The following PTK6 variants were observed in gnomAD, a reference collection of about 807,000 sequenced individuals.
The protein encoded by PTK6 is protein tyrosine kinase 6.
PTK6 carries 47 observed loss-of-function variants against 47.5 expected under a neutral mutation model. The ratio of observed to expected loss-of-function variants is 0.99; its 90% CI spans 0.78 to 1.26. The LOEUF (loss-of-function observed/expected upper bound fraction) is 1.26, where lower values mean the gene tolerates loss of function less well. PTK6 is among the 50% of genes most tolerant of loss of function. PTK6 has a pLI of 0.00. For missense variants in PTK6, 618 were observed against 625.3 expected, an observed-to-expected ratio of 0.99 and a Z score of 0.12; for synonymous variants, 287 against 276.5, an observed-to-expected ratio of 1.04 and a Z score of -0.38.
rs1429433801 is a variant in PTK6 at position 63,534,966 on chromosome 20, C to T, written c.324G>A (p.Glu108=). ...ATGAFLIRVS[E]KPSADYVLSV... ...ACAGGACGTAGTCGGCACTCGGCTTCTCGCTGACCCTGATCAGGAAGGCGC... is the reference window on the plus strand; with the variant it reads ...ACAGGACGTAGTCGGCACTCGGCTTTTCGCTGACCCTGATCAGGAAGGCGC... The change falls in exon 2 of 8, where the codon GAG becomes GAA. Residue 108 remains glutamate (E), a synonymous_variant. Transcript: ENST00000542869. 2 of 1,606,502 alleles carry T rather than the reference C, an allele frequency of 1.2e-6. No homozygotes were observed. Among genetic ancestry groups the T allele is most frequent in the South Asian group, 2.2e-5 (2 of 90,510 alleles).
At chr20:63,531,822 C>T (rs2145971503) in intron 5 of PTK6, among the ~76,000 whole-genome samples, 1 of 149,634 alleles carries the variant, frequency 6.7e-6, no homozygotes, top group South Asian at 2.1e-4. Context: ...CCCCACATTC[C>T]CTCCCGGAGG....
chr20:63,529,399 A>T lies in PTK6; in HGVS notation c.*137T>A. The T allele has an allele frequency of 1.0e-6, 1 of 974,696 alleles. No homozygotes were observed. Among genetic ancestry groups the T allele is most frequent in the Admixed American group, 3.3e-5 (1 of 30,380 alleles). 60.4% of individuals were successfully genotyped at this position (974,696 alleles called of 1,614,324 possible). ...GCACACGCGTGTATTGGACGCAGAC[A>T]CTCCACATTTGTGAACCTTTCCTGC... On this transcript the variant is annotated 3_prime_UTR_variant, in exon 8 of 8. Transcript: ENST00000542869. This position sits in a 1 kb window ranked among gnomAD's most constrained non-coding sequence, Gnocchi z 5.6.
intron 4 of PTK6, 114 bp from the exon 5 acceptor site, chr20:63,532,801 A>T (rs2082635651): frequency 1.5e-6 from 2 of 1,367,676 alleles, no homozygotes; most frequent in Non-Finnish European, 2.0e-6. Context: ...GCTGTGCAGG[A>T]CACACAGACC....
Position 63,537,242 on chromosome 20 carries a change from C to A in PTK6, c.73G>T (p.Glu25Ter). 1 of 1,612,402 alleles carries A rather than the reference C, an allele frequency of 6.2e-7. No homozygotes were observed. Among genetic ancestry groups the A allele is most frequent in the Non-Finnish European group, 8.5e-7 (1 of 1,179,826 alleles). The change falls in exon 1 of 8, where the codon GAG becomes TAG. Residue 25 changes from glutamate (E) to a stop codon, truncating the protein, a stop_gained. Coordinates refer to ENST00000542869, the MANE Select transcript of PTK6 (RefSeq NM_005975.4). LOFTEE classifies it high-confidence loss of function. ...GLWDFKSRTD[E>*]ELSFRAGDVF... ...TCCCCCGCGCGGAAGCTCAGCTCCT[C>A]GTCCGTCCGGGACTTGAAGTCCCAG...
chr20:63,529,661 C>G lies in PTK6; in HGVS notation c.1231G>C (p.Glu411Gln). ...DAGYRMPCPLECPPSVHKLML... is the reference protein window; with the variant it reads ...DAGYRMPCPLQCPPSVHKLML... The stretch of plus-strand genomic sequence containing the variant: ...AGCTTGTGCACGCTGGGCGGGCACT[C>G]CAGAGGGCAGGGCATGCGGTAGCCG... The change falls in exon 8 of 8, where the codon GAG becomes CAG. Residue 411 changes from glutamate to glutamine, a missense_variant. Transcript: ENST00000542869. The surrounding 1 kb of genome is among the most constrained non-coding windows in gnomAD (Gnocchi z 5.6). 5 of 1,547,566 alleles carry G rather than the reference C, an allele frequency of 3.2e-6. No homozygotes were observed. The highest frequency in any genetic ancestry group is 1.2e-5 in the South Asian group (1 of 83,784).
Position 63,530,241 on chromosome 20 carries a change from G to A in PTK6, c.1015-10C>T. The A allele has an allele frequency of 6.2e-7, 1 of 1,612,932 alleles. No homozygotes were observed. Among genetic ancestry groups the A allele is most frequent in the Non-Finnish European group, 8.5e-7 (1 of 1,179,224 alleles). On this transcript the variant is annotated splice_polypyrimidine_tract_variant and intron_variant, in intron 6 of 7. Coordinates refer to ENST00000542869, the MANE Select transcript of PTK6 (RefSeq NM_005975.4). This position sits in a 1 kb window ranked among gnomAD's most constrained non-coding sequence, Gnocchi z 4.1. ...AGAGGTAGACGTCCTCCTGCAATCA[G>A]CCTGGAGCTGAGTGGGCCGTGGGGG...
At chr20:63,535,437 T>C (rs1165171316) in intron 1 of PTK6, among the ~76,000 whole-genome samples, 1 of 151,252 alleles carries the variant, frequency 6.6e-6, no homozygotes, top group Non-Finnish European at 1.5e-5. Context: ...CCCCCACACA[T>C]GCGCACAGTT....
chr20:63,530,634 G>C lies in PTK6; in HGVS notation c.1014+112C>G. ...CCCTGCCCAGCCTGGGCTCCCGAGG[G>C]CAGGGGCCGCATCCTGCTCCCAGCC... On this transcript the variant is annotated intron_variant, in intron 6 of 7. Transcript: ENST00000542869. This position sits in a 1 kb window ranked among gnomAD's most constrained non-coding sequence, Gnocchi z 4.1. 2 of 1,332,480 alleles carry C rather than the reference G, an allele frequency of 1.5e-6. No individual in the cohort carries two copies. The highest frequency in any genetic ancestry group is 2.0e-6 in the Non-Finnish European group (2 of 983,220). The allele number at this position is 1,332,480 out of a possible 1,614,324, so 82.5% of individuals were successfully genotyped here. A position where few individuals can be genotyped will look rare whatever the true frequency, so the allele number is the denominator to read the frequency against.
intron 2 of PTK6, 155 bp downstream of exon 2, chr20:63,534,783 G>T (rs1366017638): frequency 1.7e-6 from 2 of 1,171,746 alleles, no homozygotes; most frequent in East Asian, 2.7e-5. Context: ...CCCCAGGGAG[G>T]AGCGGGCCAG....
rs200723492 is a variant in PTK6, at chr20:63,533,602, C to G, written c.619G>C (p.Glu207Gln). 6.6e-5 allele frequency: 106 copies of G among 1,613,672 alleles called. No homozygotes were observed. The Admixed American group carries it at 1.5e-3, about 23-fold the overall frequency. ...LGSGYFGEVF[E>Q]GLWKDRVQVA... ...TGGACCCGGTCTTTCCAGAGCCCCT[C>G]GAAGACCTCCCCAAAGTAGCCGGAC... The change falls in exon 4 of 8, where the codon GAG (glutamate) becomes CAG (glutamine). Residue 207 changes from glutamate (E) to glutamine (Q), a missense_variant. Glu to Gln is a conservative substitution (Grantham distance 29, BLOSUM62 2). Coordinates refer to ENST00000542869, the MANE Select transcript of PTK6 (RefSeq NM_005975.4). The surrounding 1 kb of genome is among the most constrained non-coding windows in gnomAD (Gnocchi z 4.0).
At position 63,534,951 on chromosome 20, in the gene PTK6, GT is replaced by G; in HGVS notation, c.338del (p.Asp113AlafsTer27). 2 of 1,603,992 alleles carry G rather than the reference GT, an allele frequency of 1.2e-6. No individual in the cohort carries two copies. Among genetic ancestry groups the G allele is most frequent in the Non-Finnish European group, 1.7e-6 (2 of 1,176,246 alleles). On this transcript the variant is annotated frameshift_variant, in exon 2 of 8. Coordinates refer to ENST00000542869, the MANE Select transcript of PTK6 (RefSeq NM_005975.4). LOFTEE classifies it high-confidence loss of function. ...CCGGGGCCGCACCCGACAGGACGTA[GT>G]CGGCACTCGGCTTCTCGCTGACCCT... is the stretch of plus-strand genomic sequence containing the variant. ...LIRVSEKPSADYVLSVRDTQA... is the reference protein window; with the variant it reads ...LIRVSEKPSAXYVLSVRDTQA...
chr20:63,531,550 GGTTACA>G (rs2082621553), intron 5 of PTK6, among the ~76,000 whole-genome samples: 1 of 150,146 alleles, frequency 6.7e-6, no homozygotes, highest in South Asian at 2.1e-4. Context: ...AGGAGGTGGA[GGTTACA>G]GTGAGCCGAG....
rs1475973600 is a variant in PTK6, at chr20:63,530,996, C to CT, written c.833-70dup. 7.9e-6 allele frequency: 11 copies of CT among 1,393,206 alleles called. No individual in the cohort carries two copies. The highest frequency in any genetic ancestry group is 5.8e-5 in the South Asian group (4 of 68,984). 86.3% of individuals were successfully genotyped at this position (1,393,206 alleles called of 1,614,324 possible). A position where few individuals can be genotyped will look rare whatever the true frequency, so the allele number is the denominator to read the frequency against. The stretch of plus-strand genomic sequence containing the variant: ...CTGAGGTGGGGAAGGGTTGGGGAGG[C>CT]TGGGCCATGTCTCATCTGCCTCCAA... On this transcript the variant is annotated intron_variant, in intron 5 of 7. Coordinates refer to ENST00000542869, the MANE Select transcript of PTK6 (RefSeq NM_005975.4). The surrounding 1 kb of genome is among the most constrained non-coding windows in gnomAD (Gnocchi z 4.1).
chr20:63,530,186 T>C lies in PTK6; in HGVS notation c.1060A>G (p.Thr354Ala), dbSNP rs1229917946. 1 of 1,613,950 alleles carries C rather than the reference T, an allele frequency of 6.2e-7. No homozygotes were observed. Among genetic ancestry groups the C allele is most frequent in the South Asian group, 1.1e-5 (1 of 91,088 alleles). ...CCTCGGGAGAGCGCTTCAGGGGCCG[T>C]CCACTTGTAGGGGATATTGTGGTCA... ...SHDHNIPYKW[T>A]APEALSRGHY... is the part of the protein sequence containing the mutation. The change falls in exon 7 of 8, where the codon ACG becomes GCG. Residue 354 changes from threonine (T) to alanine (A), a missense_variant. By Grantham distance (58) the Thr-to-Ala change is moderately conservative. Transcript: ENST00000542869. This position sits in a 1 kb window ranked among gnomAD's most constrained non-coding sequence, Gnocchi z 4.1.
chr20:63,537,339 C>G lies in PTK6; in HGVS notation c.-25G>C. 2 of 1,572,910 alleles carry G rather than the reference C, an allele frequency of 1.3e-6. No homozygotes were observed. The highest frequency in any genetic ancestry group is 2.3e-5 in the South Asian group (2 of 88,186). On this transcript the variant is annotated 5_prime_UTR_variant, in exon 1 of 8. Coordinates refer to ENST00000542869, the MANE Select transcript of PTK6 (RefSeq NM_005975.4). ...TGGCGGGCGGGCGCAGCGGCAGGAC[C>G]AGGCTGTGGCCCAGCTGGAGCACCC...
chr20:63,532,716 C>A, intron 4 of PTK6, 29 bp from the exon 5 acceptor site: 1 of 1,606,226 alleles, frequency 6.2e-7, no homozygotes, highest in Non-Finnish European at 8.5e-7. Context: ...TCGGTGGATG[C>A]AGCCCCTGAC....
In PTK6 at chr20:63,529,566, G is replaced by A; in HGVS notation, c.1326C>T (p.Ser442=). Residue 442 remains serine, a synonymous_variant, in exon 8 of 8, where the codon TCC becomes TCT. Coordinates refer to ENST00000542869, the MANE Select transcript of PTK6 (RefSeq NM_005975.4). The surrounding 1 kb of genome is among the most constrained non-coding windows in gnomAD (Gnocchi z 5.6). ...PCFKALRERL[S]SFTSYENPT ...TCGGGTTCTCGTAGCTGGTGAAGCT[G>A]GAGAGCCTCTCCCGCAGGGCCTTGA... 1.3e-6 allele frequency: 2 copies of A among 1,574,848 alleles called. No homozygotes were observed. Among genetic ancestry groups the A allele is most frequent in the Non-Finnish European group, 1.7e-6 (2 of 1,160,268 alleles).
rs2082641104 is a variant in PTK6 at position 63,533,472 on chromosome 20, G to A, written c.670+79C>T. 4 of 1,477,036 alleles carry A rather than the reference G, an allele frequency of 2.7e-6. No individual in the cohort carries two copies. Among genetic ancestry groups the A allele is most frequent in the Non-Finnish European group, 2.7e-6 (3 of 1,105,392 alleles). 91.5% of individuals were successfully genotyped at this position (1,477,036 alleles called of 1,614,324 possible). On this transcript the variant is annotated intron_variant, in intron 4 of 7. Coordinates refer to ENST00000542869, the MANE Select transcript of PTK6 (RefSeq NM_005975.4). This position sits in a 1 kb window ranked among gnomAD's most constrained non-coding sequence, Gnocchi z 4.0. ...GGGTGCTGCTTGGGGCTCGAGGCCAGAGGTCCCTGTTGGCGGGGTGGGAGG... is the reference window on the plus strand; with the variant it reads ...GGGTGCTGCTTGGGGCTCGAGGCCAAAGGTCCCTGTTGGCGGGGTGGGAGG...
chr20:63,534,345 A>G, intron 2 of PTK6, 30 bp from the exon 3 acceptor site: 4 of 1,563,754 alleles, frequency 2.6e-6, no homozygotes, highest in Non-Finnish European at 3.5e-6. Flanking sequence ...CTGTGTGGCC[A>G]CCCCAACTCC....
Sources: gnomAD v4.1 joint callset for allele counts (sites outside exome capture counted in the v4.1 genomes callset) on GRCh38, gnomAD v4.1.1 for gene constraint, Gnocchi (gnomAD v3.1) non-coding constraint, MANE v1.5 for transcripts, NCBI Gene and HGNC (gene_info 2026-07-23, HGNC 2026-07-21) for gene names.